The following MTUS1 variants were observed in gnomAD, a reference collection of about 807,000 sequenced individuals.
MTUS1 encodes the protein microtubule-associated tumor suppressor 1.
In MTUS1, 109 loss-of-function variants were observed where a neutral mutation model predicts 120.8. The observed-to-expected ratio is 0.90, with a 90% CI of 0.77 to 1.06. MTUS1 has a LOEUF of 1.06. MTUS1 is among the 50% of genes least tolerant of loss of function. The pLI is 0.00. For missense variants in MTUS1, 2,210 were observed against 1,486.3 expected, an observed-to-expected ratio of 1.49 and a Z score of -8.01; for synonymous variants, 737 against 550.5, an observed-to-expected ratio of 1.34 and a Z score of -4.74.
At chr8:17,693,237 A>G (rs1222719477) in intron 6 of MTUS1, 1 of 152,208 alleles carries the variant, frequency 6.6e-6, no homozygotes, top group Admixed American at 6.5e-5. Flanking sequence ...CTTTGGTAAA[A>G]AGACTATTGC....
chr8:17,755,723 A>G lies in MTUS1; in HGVS notation c.85T>C (p.Tyr29His), dbSNP rs1173789145. Reference protein sequence around the residue: ...TSDKDGNTHAYNPKSPPTQNS... With the variant: ...TSDKDGNTHAHNPKSPPTQNS... ...TGTGTAGGTGGTGATTTCGGGTTGT[A>G]TGCATGTGTATTTCCATCTTTATCA... Residue 29 changes from tyrosine (Y) to histidine (H), a missense_variant, in exon 2 of 15, where the codon TAC becomes CAC. By Grantham distance (83) the Tyr-to-His change is moderately conservative (BLOSUM62 2). Coordinates refer to ENST00000693296, the MANE Select transcript of MTUS1 (RefSeq NM_001363059.2). 1 of 1,614,076 alleles carries G rather than the reference A, an allele frequency of 6.2e-7. No individual in the cohort carries two copies. Among genetic ancestry groups the G allele is most frequent in the African/African-American group, 1.3e-5 (1 of 74,942 alleles).
intron 3 of MTUS1, among the ~76,000 whole-genome samples, chr8:17,743,206 G>A (rs1397736685): frequency 6.6e-6 from 1 of 151,640 alleles, no homozygotes; most frequent in East Asian, 1.9e-4. Context: ...ACATCTTTCA[G>A]TAAAATTAAA....
At chr8:17,678,912 A>G (rs1563186892) in intron 7 of MTUS1, among the ~76,000 whole-genome samples, 1 of 152,210 alleles carries the variant, frequency 6.6e-6, no homozygotes, top group Non-Finnish European at 1.5e-5. Flanking sequence ...CTGTCTGTGC[A>G]GAATACCGTC....
intron 1 of MTUS1, among the ~76,000 whole-genome samples, chr8:17,760,806 G>GAA (rs201911502): frequency 1.5e-5 from 2 of 136,960 alleles, no homozygotes; most frequent in South Asian, 2.2e-4. Context: ...GTGCTGGAGG[G>GAA]AAAAAAAAAA....
chr8:17,688,312 G>A (rs1167653214), intron 6 of MTUS1, among the ~76,000 whole-genome samples: 1 of 152,218 alleles, frequency 6.6e-6, no homozygotes, highest in Non-Finnish European at 1.5e-5. Flanking sequence ...TATCACATAA[G>A]AGGGTGGTAT....
At chr8:17,766,268 A>C (rs1403954691) in intron 1 of MTUS1, among the ~76,000 whole-genome samples, 1 of 152,212 alleles carries the variant, frequency 6.6e-6, no homozygotes, top group Non-Finnish European at 1.5e-5. Flanking sequence ...TGGGTAATTA[A>C]ATGTCTGCAG....
chr8:17,704,718 C>G (rs1434429123), intron 6 of MTUS1, among the ~76,000 whole-genome samples: 1 of 152,072 alleles, frequency 6.6e-6, no homozygotes, highest in Non-Finnish European at 1.5e-5. Flanking sequence ...CAGCTTTGTT[C>G]TTTGTCAAGA....
intron 13 of MTUS1, among the ~76,000 whole-genome samples, chr8:17,647,655 C>A (rs1806106319): frequency 6.6e-6 from 1 of 152,132 alleles, no homozygotes; most frequent in Non-Finnish European, 1.5e-5. Context: ...CCACGAGTCT[C>A]CTCAGGTCAG....
At chr8:17,767,681 A>T in intron 1 of MTUS1, among the ~76,000 whole-genome samples, 1 of 148,920 alleles carries the variant, frequency 6.7e-6, no homozygotes, top group Non-Finnish European at 1.5e-5. Context: ...CCTGGGTGAT[A>T]GAGCAAGACC....
Position 17,646,090 on chromosome 8 carries a change from AC to A in MTUS1, c.3648del (p.Glu1216AspfsTer69). On this transcript the variant is annotated frameshift_variant, in exon 15 of 15. Transcript: ENST00000693296. LOFTEE classifies it high-confidence loss of function. ...QAVLQESLEK[E>X]SKVNKRLSME... is the part of the protein sequence containing the mutation. Reference sequence around the variant, plus strand: ...ATAGAGAGTCGCTTGTTGACTTTCGACTCCTTCTCCAGCGACTCTTGCAGAA... The same window carrying A: ...ATAGAGAGTCGCTTGTTGACTTTCGATCCTTCTCCAGCGACTCTTGCAGAA... 6.2e-7 allele frequency: 1 copy of A among 1,605,312 alleles called. No homozygotes were observed. Among genetic ancestry groups the A allele is most frequent in the Non-Finnish European group, 8.5e-7 (1 of 1,177,820 alleles).
At chr8:17,744,635 G>C (rs905137847) in intron 2 of MTUS1, among the ~76,000 whole-genome samples, 6 of 119,176 alleles carry the variant, frequency 5.0e-5, no homozygotes, top group African/African-American at 1.9e-4. Flanking sequence ...GCTAAGTTTT[G>C]TATTTTTTTT....
At chr8:17,798,114 G>T (rs1470421791) in intron 1 of MTUS1, among the ~76,000 whole-genome samples, 2 of 152,176 alleles carry the variant, frequency 1.3e-5, no homozygotes, top group Admixed American at 6.5e-5. Flanking sequence ...TAAATGGAGT[G>T]TGAGCCTACT....
chr8:17,652,813 G>GTGTCAA (rs1807310582), intron 12 of MTUS1, among the ~76,000 whole-genome samples: 1 of 150,518 alleles, frequency 6.6e-6, no homozygotes, highest in African/African-American at 2.5e-5. Context: ...TCCAGCCTGA[G>GTGTCAA]TGACAGAGTG....
rs754296950 is a variant in MTUS1 at position 17,753,978 on chromosome 8, C to T, written c.1830G>A (p.Ser610=). Residue 610 remains serine (S), a synonymous_variant, in exon 2 of 15, where the codon TCG becomes TCA. Transcript: ENST00000693296. Reference sequence around the variant, plus strand: ...TGGCTTTGTCAACATCTTCCTGATTCGATTTCACGGCAGATGTTGTTCTTG... The same window carrying T: ...TGGCTTTGTCAACATCTTCCTGATTTGATTTCACGGCAGATGTTGTTCTTG... ...RVPRTTSAVK[S]NQEDVDKASS... 11 of 1,614,028 alleles carry T rather than the reference C, an allele frequency of 6.8e-6. No homozygotes were observed. Among genetic ancestry groups the T allele is most frequent in the Middle Eastern group, 1.6e-4 (1 of 6,084 alleles).
intron 1 of MTUS1, among the ~76,000 whole-genome samples, chr8:17,794,867 G>A (rs900032131): frequency 3.9e-5 from 6 of 152,152 alleles, no homozygotes; most frequent in Non-Finnish European, 5.9e-5. Context: ...TATCTATGCT[G>A]GCTTCTATTT....
chr8:17,675,227 T>C lies in MTUS1; in HGVS notation c.2864A>G (p.Lys955Arg). 1 of 1,614,170 alleles carries C rather than the reference T, an allele frequency of 6.2e-7. No homozygotes were observed. The highest frequency in any genetic ancestry group is 1.1e-5 in the South Asian group (1 of 91,074). ...SEREEALKQH[K>R]TLSQELVNLR... Reference sequence around the variant, plus strand: ...GTTAACAAGTTCTTGAGATAGGGTTTTGTGTTGTTTCAGTGCTTCCTCCCG... The same window carrying C: ...GTTAACAAGTTCTTGAGATAGGGTTCTGTGTTGTTTCAGTGCTTCCTCCCG... Residue 955 changes from lysine to arginine, a missense_variant, in exon 8 of 15, where the codon AAA becomes AGA. Lys to Arg is a conservative substitution (Grantham distance 26). Coordinates refer to ENST00000693296, the MANE Select transcript of MTUS1 (RefSeq NM_001363059.2).
At chr8:17,661,217 C>T (rs1321089522) in intron 8 of MTUS1, among the ~76,000 whole-genome samples, 1 of 152,088 alleles carries the variant, frequency 6.6e-6, no homozygotes, top group Non-Finnish European at 1.5e-5. Flanking sequence ...CTATGAAAAC[C>T]TACAACAGAA....
At chr8:17,723,282 T>C (rs2937886) in intron 4 of MTUS1, 19,596 of 246,632 alleles carry the variant, frequency 0.079, 2,230 homozygotes, top group East Asian at 0.48. Flanking sequence ...ATTCAAGTTA[T>C]ATTAGTCCTA....
intron 7 of MTUS1, among the ~76,000 whole-genome samples, chr8:17,679,202 A>G (rs1813748269): frequency 1.7e-5 from 1 of 58,140 alleles, no homozygotes; most frequent in African/African-American, 4.3e-5. Flanking sequence ...ATATATATAC[A>G]CACACACACA....
Sources: gnomAD v4.1 joint callset for allele counts (sites outside exome capture counted in the v4.1 genomes callset) on GRCh38, gnomAD v4.1.1 for gene constraint, MANE v1.5 for transcripts, NCBI Gene and HGNC (gene_info 2026-07-23, HGNC 2026-07-21) for gene names.